LAMA4: variants seen among roughly 807,000 people sequenced by gnomAD.
LAMA4 encodes laminin subunit alpha-4.
In LAMA4, 127 loss-of-function variants were observed where a neutral mutation model predicts 207.1. The observed-to-expected ratio is 0.61, with a 90% CI of 0.53 to 0.71. LAMA4 has a LOEUF of 0.71. LAMA4 is among the 30% of genes least tolerant of loss of function. The pLI, the probability that LAMA4 is intolerant of heterozygous loss-of-function variation, is 0.00. For missense variants in LAMA4, 2,093 were observed against 2,246.5 expected, an observed-to-expected ratio of 0.93 and a Z score of 1.38; for synonymous variants, 761 against 816.0, an observed-to-expected ratio of 0.93 and a Z score of 1.15.
chr6:112,254,368 C>T (rs1485310731), intron 1 of LAMA4, 77 bp from the exon 2 acceptor site: 1 of 608,358 alleles, frequency 1.6e-6, no homozygotes. Context: ...TCCCCTTCTC[C>T]CCCTCTCTCT....
chr6:112,126,215 T>C (rs115119131), intron 31 of LAMA4, among the ~76,000 whole-genome samples: 1,601 of 152,274 alleles, frequency 0.011, 24 homozygotes, highest in African/African-American at 0.034. Flanking sequence ...CTGTGTTTAT[T>C]TAAAGGGGTA....
intron 5 of LAMA4, among the ~76,000 whole-genome samples, chr6:112,196,034 CTTTTAT>C (rs1301179536): frequency 6.6e-6 from 1 of 151,442 alleles, no homozygotes; most frequent in Non-Finnish European, 1.5e-5. Flanking sequence ...ATTTTTTTCC[CTTTTAT>C]TTTTTTCTTG....
intron 3 of LAMA4, among the ~76,000 whole-genome samples, chr6:112,214,770 C>A (rs951148914): frequency 3.3e-5 from 5 of 152,148 alleles, no homozygotes. Flanking sequence ...TTTATTAGAA[C>A]CTGTTATGTC....
At chr6:112,190,944 T>TTTCTTTCTTTCTTTCCTTCC (rs1783054736) in intron 6 of LAMA4, among the ~76,000 whole-genome samples, 1 of 41,626 alleles carries the variant, frequency 2.4e-5, no homozygotes, top group African/African-American at 9.6e-5. Context: ...TCTTTCTTTC[T>TTTCTTTCTTTCTTTCCTTCC]TTCCTTTCTT....
At position 112,172,705 on chromosome 6, in the gene LAMA4, G is replaced by C; in HGVS notation, c.1457C>G (p.Ser486Ter). 1 of 1,613,888 alleles carries C rather than the reference G, an allele frequency of 6.2e-7. No homozygotes were observed. The highest frequency in any genetic ancestry group is 8.5e-7 in the Non-Finnish European group (1 of 1,179,954). The change falls in exon 12 of 39, where the codon TCA becomes TGA. Residue 486 changes from serine (S) to a stop codon, truncating the protein, a stop_gained. Coordinates refer to ENST00000230538, the MANE Select transcript of LAMA4 (RefSeq NM_001105206.3). LOFTEE classifies it high-confidence loss of function. The stretch of plus-strand genomic sequence containing the variant: ...CTGGTCAAGTGCTTCCTGGAGATCT[G>C]ACAACTTAGCATTGTAGTCATCCAG... ...EQLDDYNAKL[S>*]DLQEALDQAL...
At chr6:112,135,778 G>T (rs1363903423) in intron 25 of LAMA4, 2 of 212,500 alleles carry the variant, frequency 9.4e-6, no homozygotes, top group South Asian at 7.5e-5. Context: ...GCAAAAAAAG[G>T]CTGTGTATCT....
At chr6:112,142,468 A>C (rs546317173) in intron 19 of LAMA4, among the ~76,000 whole-genome samples, 176 bp from the exon 20 acceptor site, 169 of 149,858 alleles carry the variant, frequency 1.1e-3, no homozygotes, top group African/African-American at 3.9e-3. Flanking sequence ...GTGACACAGT[A>C]GTTTAAAGTG....
intron 38 of LAMA4, among the ~76,000 whole-genome samples, chr6:112,111,459 A>T (rs1466734226): frequency 6.6e-6 from 1 of 152,242 alleles, no homozygotes; most frequent in Non-Finnish European, 1.5e-5. Flanking sequence ...GATAGAAATA[A>T]TGAGTCACCA....
In LAMA4 at chr6:112,191,649, G is replaced by A. The variant is rs782597832; in HGVS notation, c.705C>T (p.Ala235=). The change falls in exon 6 of 39, where the codon GCC becomes GCT. Residue 235 remains alanine (A), a synonymous_variant. Transcript: ENST00000230538. The part of the protein sequence containing the change: ...APGYYGDARI[A]KNCAVCNCGG... Reference sequence around the variant, plus strand: ...ATGATACTGCACCTGCACAGTTCTTGGCTATCCTGGCGTCCCCATAGTAGC... The same window carrying A: ...ATGATACTGCACCTGCACAGTTCTTAGCTATCCTGGCGTCCCCATAGTAGC... 1 of 1,613,462 alleles carries A rather than the reference G, an allele frequency of 6.2e-7. No individual in the cohort carries two copies. Among genetic ancestry groups the A allele is most frequent in the East Asian group, 2.2e-5 (1 of 44,820 alleles).
intron 20 of LAMA4, among the ~76,000 whole-genome samples, chr6:112,141,860 G>A (rs1177483388): frequency 6.6e-6 from 1 of 152,324 alleles, no homozygotes; most frequent in Non-Finnish European, 1.5e-5. Context: ...CTTTCTGAAA[G>A]TCTTTGAGGT....
intron 25 of LAMA4, 150 bp downstream of exon 25, chr6:112,135,973 G>C (rs900487823): frequency 7.4e-6 from 5 of 679,280 alleles, no homozygotes; most frequent in Non-Finnish European, 1.3e-5. Flanking sequence ...TCCTAGGGTT[G>C]AGAAGATGAG....
chr6:112,210,235 T>A (rs1315909471), intron 3 of LAMA4, among the ~76,000 whole-genome samples: 1 of 151,348 alleles, frequency 6.6e-6, no homozygotes, highest in Non-Finnish European at 1.5e-5. Flanking sequence ...AAGAGTAAAG[T>A]GAAAGCAAGT....
intron 2 of LAMA4, among the ~76,000 whole-genome samples, chr6:112,253,177 C>T (rs987644508): frequency 6.6e-6 from 1 of 152,164 alleles, no homozygotes; most frequent in Admixed American, 6.5e-5. Flanking sequence ...ATTTTCCTCC[C>T]TCTTAGCATG....
At chr6:112,210,203 T>A (rs1160093900) in intron 3 of LAMA4, among the ~76,000 whole-genome samples, 1 of 148,698 alleles carries the variant, frequency 6.7e-6, no homozygotes, top group East Asian at 1.9e-4. Context: ...CTCAGGTACG[T>A]CTTTTTTTTT....
chr6:112,192,707 C>T (rs1451585126), intron 5 of LAMA4, among the ~76,000 whole-genome samples: 2 of 152,198 alleles, frequency 1.3e-5, no homozygotes, highest in Non-Finnish European at 2.9e-5. Flanking sequence ...GCTTGCCTTG[C>T]CAAGCTGTGC....
Position 112,117,751 on chromosome 6 carries a change from A to G in LAMA4, c.4969T>C (p.Tyr1657His), listed in dbSNP as rs1778106750. 6.2e-7 allele frequency: 1 copy of G among 1,613,524 alleles called. No individual in the cohort carries two copies. The highest frequency in any genetic ancestry group is 1.7e-5 in the Admixed American group (1 of 60,002). ...TGTYFSTEGG[Y>H]VVLDESFNIG... is the part of the protein sequence containing the mutation. ...TGACTAATGTTACCTAGAACCACGT[A>G]TCCTCCTTCTGTTGAAAAGTAAGTT... The change falls in exon 35 of 39, where the codon TAC becomes CAC. Residue 1657 changes from tyrosine (Y) to histidine (H), a missense_variant. Physicochemically the swap from Tyr to His is moderately conservative, Grantham distance 83. Around this residue, in one of 3 missense-constraint regions of LAMA4, gnomAD observed 383 missense variants for 437.8 expected, o/e 0.87. Coordinates refer to ENST00000230538, the MANE Select transcript of LAMA4 (RefSeq NM_001105206.3). The surrounding 1 kb of genome is among the most constrained non-coding windows in gnomAD (Gnocchi z 4.5).
chr6:112,199,297 C>A (rs1209608599), intron 5 of LAMA4, among the ~76,000 whole-genome samples: 3 of 152,162 alleles, frequency 2.0e-5, no homozygotes, highest in Non-Finnish European at 2.9e-5. Context: ...GCGAGCTTTG[C>A]ATTTGGTCAG....
rs964743100 is a variant in LAMA4 at position 112,253,962 on chromosome 6, C to G, written c.189G>C (p.Ala63=). Residue 63 remains alanine, a synonymous_variant, in exon 2 of 39, where the codon GCG becomes GCC. Transcript: ENST00000230538. ...PRVALGRLPP[A]AEKCNAGFFH... ...AATGGCAGGGACACTGTACCTCGGCCGCAGGCGGCAGGCGTCCCAGAGCCA... is the reference window on the plus strand; with the variant it reads ...AATGGCAGGGACACTGTACCTCGGCGGCAGGCGGCAGGCGTCCCAGAGCCA... The G allele has an allele frequency of 5.0e-6, 8 of 1,593,968 alleles. No homozygotes were observed. The highest frequency in any genetic ancestry group is 6.0e-6 in the Non-Finnish European group (7 of 1,169,760).
chr6:112,178,416 A>T, intron 9 of LAMA4, 184 bp from the exon 10 acceptor site: 1 of 598,270 alleles, frequency 1.7e-6, no homozygotes, highest in Non-Finnish European at 3.0e-6. Context: ...GGCCAGTTTT[A>T]CTTTTAAAAA....
Sources: gnomAD v4.1 joint callset for allele counts (sites outside exome capture counted in the v4.1 genomes callset) on GRCh38, gnomAD v4.1.1 for gene constraint, gnomAD v4.1.1 regional missense constraint, Gnocchi (gnomAD v3.1) non-coding constraint, MANE v1.5 for transcripts, NCBI Gene and HGNC (gene_info 2026-07-23, HGNC 2026-07-21) for gene names.